The following CDH13 variants were observed in gnomAD, a reference collection of about 807,000 sequenced individuals.
CDH13 encodes cadherin 13.
A neutral mutation model predicts 63.8 loss-of-function variants in CDH13; 24 were observed. That is an observed-to-expected ratio of 0.38 (90% CI 0.27 to 0.53). The LOEUF (loss-of-function observed/expected upper bound fraction) is 0.53, where lower values mean the gene tolerates loss of function less well. CDH13 is among the 20% of genes least tolerant of loss of function. The probability of loss-of-function intolerance (pLI) is 0.85; values close to 1 mark genes in which losing one functional copy is unlikely to be tolerated. For missense variants in CDH13, 1,049 were observed against 903.1 expected (o/e 1.16, Z -2.07); for synonymous variants, 503 against 355.3 (o/e 1.42, Z -4.67).
At chr16:83,062,560 C>T (rs577533377) in intron 3 of CDH13, among the ~76,000 whole-genome samples, 1 of 152,278 alleles carries the variant, frequency 6.6e-6, no homozygotes, top group Non-Finnish European at 1.5e-5. Flanking sequence ...GTTCAGTTTT[C>T]TTCTCTATGT....
chr16:83,432,357 C>G (rs2072146274), intron 6 of CDH13, among the ~76,000 whole-genome samples: 2 of 152,124 alleles, frequency 1.3e-5, no homozygotes, highest in Admixed American at 6.5e-5. Flanking sequence ...ATAATCTACC[C>G]CAATGGTAGT....
intron 3 of CDH13, among the ~76,000 whole-genome samples, chr16:83,063,800 C>T (rs1333496708): frequency 6.6e-6 from 1 of 152,142 alleles, no homozygotes; most frequent in Non-Finnish European, 1.5e-5. Context: ...CTGGAGGCTC[C>T]AAGGAGCATT....
At chr16:83,529,634 A>G (rs114205748) in intron 7 of CDH13, among the ~76,000 whole-genome samples, 44 of 152,340 alleles carry the variant, frequency 2.9e-4, no homozygotes, top group African/African-American at 9.6e-4. Flanking sequence ...TAAGGATAGT[A>G]AAAGACATGG....
chr16:82,796,115 A>T (rs1170996873), intron 1 of CDH13, among the ~76,000 whole-genome samples: 1 of 152,142 alleles, frequency 6.6e-6, no homozygotes, highest in Admixed American at 6.5e-5. Flanking sequence ...GAAGCAGGTG[A>T]TAAGGTCTCT....
At chr16:83,297,405 A>T (rs1161997005) in intron 5 of CDH13, among the ~76,000 whole-genome samples, 1 of 152,192 alleles carries the variant, frequency 6.6e-6, no homozygotes, top group South Asian at 2.1e-4. Flanking sequence ...AACAAAACTT[A>T]AAAAATAGTA....
chr16:83,054,560 C>G lies in CDH13; in HGVS notation c.366+22342C>G, dbSNP rs1330499250. 2.6e-5 allele frequency among the ~76,000 whole-genome samples: 4 copies of G among 151,696 alleles called. No homozygotes were observed. In the East Asian group the frequency reaches 7.7e-4, roughly 29 times the overall value. Reference sequence around the variant, plus strand: ...TTTAGTCACACTACTCAGAATGGCTCAGAATTTAAAACTTACAAATTATTT... The same window carrying G: ...TTTAGTCACACTACTCAGAATGGCTGAGAATTTAAAACTTACAAATTATTT... On this transcript the variant is annotated intron_variant, in intron 3 of 13. Transcript: ENST00000567109.
At chr16:83,172,457 C>T (rs1481065748) in intron 4 of CDH13, among the ~76,000 whole-genome samples, 1 of 151,988 alleles carries the variant, frequency 6.6e-6, no homozygotes, top group Non-Finnish European at 1.5e-5. Flanking sequence ...CGCCATTGCA[C>T]TTCAGCCTAG....
At chr16:83,353,490 A>C (rs1369655170) in intron 6 of CDH13, among the ~76,000 whole-genome samples, 1 of 152,254 alleles carries the variant, frequency 6.6e-6, no homozygotes, top group African/African-American at 2.4e-5. Context: ...GACAGGAGAG[A>C]ATGCCTGAAC....
chr16:83,208,051 C>T (rs16959808), intron 4 of CDH13, among the ~76,000 whole-genome samples: 4,365 of 152,218 alleles, frequency 0.029, 98 homozygotes, highest in African/African-American at 0.062. Flanking sequence ...ACCTTAGCGC[C>T]TTCCCTGGGA....
At chr16:83,604,288 G>T (rs1316272667) in intron 8 of CDH13, among the ~76,000 whole-genome samples, 1 of 152,128 alleles carries the variant, frequency 6.6e-6, no homozygotes, top group Non-Finnish European at 1.5e-5. Flanking sequence ...CCATGGCAGG[G>T]TTCCTCTAGC....
chr16:82,739,327 G>T (rs2033828657), intron 1 of CDH13, among the ~76,000 whole-genome samples: 1 of 152,122 alleles, frequency 6.6e-6, no homozygotes, highest in African/African-American at 2.4e-5. Flanking sequence ...CCAAGATGGG[G>T]CTAGATGTGA....
At chr16:82,649,443 G>A (rs1027852509) in intron 1 of CDH13, among the ~76,000 whole-genome samples, 6 of 152,202 alleles carry the variant, frequency 3.9e-5, no homozygotes, top group African/African-American at 1.4e-4. Context: ...GTCTTAGGCA[G>A]TGAAGAAGGA....
At chr16:83,682,680 C>G (rs1567512912) in intron 10 of CDH13, among the ~76,000 whole-genome samples, 1 of 152,184 alleles carries the variant, frequency 6.6e-6, no homozygotes, top group African/African-American at 2.4e-5. Context: ...CTTTGCCTGT[C>G]TGTCTCTCTG....
At chr16:83,693,287 A>G (rs1026405898) in intron 10 of CDH13, among the ~76,000 whole-genome samples, 5 of 152,200 alleles carry the variant, frequency 3.3e-5, no homozygotes, top group African/African-American at 7.2e-5. Flanking sequence ...TGTGATGGAT[A>G]CAGAATAAAA....
chr16:83,304,149 G>C (rs540040715), intron 5 of CDH13, among the ~76,000 whole-genome samples: 20 of 152,300 alleles, frequency 1.3e-4, no homozygotes, highest in African/African-American at 4.8e-4. Flanking sequence ...TAAGGCTGGA[G>C]AGGTAGGTGA....
At chr16:82,810,644 C>A (rs1024231602) in intron 1 of CDH13, among the ~76,000 whole-genome samples, 1 of 152,126 alleles carries the variant, frequency 6.6e-6, no homozygotes, top group East Asian at 1.9e-4. Flanking sequence ...TGATTCTCAG[C>A]CCCCATGGCT....
At position 82,950,838 on chromosome 16, in the gene CDH13, C is replaced by G. The variant is rs11866689; in HGVS notation, c.158-81172C>G. ...TTTTTTTTTTTTTGGTGGTGGTTGG[C>G]GAGGACAGTGAAACCCACAGCAGTG... is the stretch of plus-strand genomic sequence containing the variant. On this transcript the variant is annotated intron_variant, in intron 2 of 13. Coordinates refer to ENST00000567109, the MANE Select transcript of CDH13 (RefSeq NM_001257.5). 8.3e-3 allele frequency among the ~76,000 whole-genome samples: 1,149 copies of G among 138,136 alleles called. 24 individuals are homozygous for G. Among genetic ancestry groups the G allele is most frequent in the African/African-American group, 0.029 (1,075 of 36,652 alleles). The allele number at this position is 138,136 out of a possible 152,430, so 90.6% of individuals were successfully genotyped here.
At chr16:82,636,453 A>G (rs1908667470) in intron 1 of CDH13, among the ~76,000 whole-genome samples, 1 of 152,212 alleles carries the variant, frequency 6.6e-6, no homozygotes, top group South Asian at 2.1e-4. Context: ...CTGTACAATT[A>G]ACCAATCTCT....
chr16:83,186,279 C>A (rs528483480), intron 4 of CDH13, among the ~76,000 whole-genome samples: 2 of 151,962 alleles, frequency 1.3e-5, no homozygotes, highest in African/African-American at 4.8e-5. Flanking sequence ...GCTGGGACTA[C>A]GGGCACATAC....
Sources: gnomAD v4.1 joint callset for allele counts (sites outside exome capture counted in the v4.1 genomes callset) on GRCh38, gnomAD v4.1.1 for gene constraint, MANE v1.5 for transcripts, NCBI Gene and HGNC (gene_info 2026-07-23, HGNC 2026-07-21) for gene names.